Variants in SYNJ1 observed in about 807,000 individuals in gnomAD.
SYNJ1 encodes synaptojanin 1.
Under a neutral mutation model 168.2 loss-of-function variants are expected in SYNJ1, and 78 were observed. That is an observed-to-expected ratio of 0.46 (90% CI 0.39 to 0.56). The LOEUF (loss-of-function observed/expected upper bound fraction) is 0.56. Ranked by LOEUF, SYNJ1 falls within the 20% of genes least tolerant of loss-of-function variation. The probability of loss-of-function intolerance (pLI) is 0.00; values close to 1 mark genes in which losing one functional copy is unlikely to be tolerated. For missense variants in SYNJ1, 1,303 were observed against 1,597.6 expected (o/e 0.82, Z 3.14); for synonymous variants, 539 against 548.6 (o/e 0.98, Z 0.24).
At chr21:32,645,040 G>A in intron 25 of SYNJ1, 34 bp from the exon 26 acceptor site, 1 of 1,590,156 alleles carries the variant, frequency 6.3e-7, no homozygotes, top group Non-Finnish European at 8.5e-7. Context: ...CAGCAGAAAG[G>A]AAATGACATT....
Position 32,631,721 on chromosome 21 carries a change from C to G in SYNJ1, c.*84G>C. 6.2e-7 allele frequency: 1 copy of G among 1,614,200 alleles called. No homozygotes were observed. The highest frequency in any genetic ancestry group is 8.5e-7 in the Non-Finnish European group (1 of 1,180,036). ...ATAGCTGAGCCTTTGATACAGCAAG[C>G]AGATTAAATGACAGATCTTCAAATG... On this transcript the variant is annotated 3_prime_UTR_variant, in exon 33 of 33. Coordinates refer to ENST00000674351, the MANE Select transcript of SYNJ1 (RefSeq NM_203446.3).
At position 32,646,561 on chromosome 21, in the gene SYNJ1, G is replaced by A; in HGVS notation, c.3079C>T (p.Pro1027Ser). Residue 1027 changes from proline to serine, a missense_variant, in exon 24 of 33, where the codon CCT becomes TCT. Pro to Ser is a moderately conservative substitution (Grantham distance 74). Around this residue, in one of 2 missense-constraint regions of SYNJ1, gnomAD observed 383 missense variants for 388.8 expected, o/e 0.99. Transcript: ENST00000674351. ...CTTGAAGATGGCTGGAGATGCTGAGGAAGAAGTTCCTCCACTTCAGCACTA... is the reference window on the plus strand; with the variant it reads ...CTTGAAGATGGCTGGAGATGCTGAGAAAGAAGTTCCTCCACTTCAGCACTA... Reference protein sequence around the residue: ...DYSAEVEELLPQHLQPSSSSG... With the variant: ...DYSAEVEELLSQHLQPSSSSG... 1.2e-6 allele frequency: 2 copies of A among 1,614,102 alleles called. No individual in the cohort carries two copies. Among genetic ancestry groups the A allele is most frequent in the South Asian group, 1.1e-5 (1 of 91,062 alleles).
At chr21:32,692,304 C>T (rs761884774) in intron 6 of SYNJ1, among the ~76,000 whole-genome samples, 15 of 152,138 alleles carry the variant, frequency 9.9e-5, no homozygotes, top group Non-Finnish European at 1.8e-4. Flanking sequence ...TGGCCGGGCA[C>T]GGTGGCTCAT....
chr21:32,693,104 C>T (rs1330322103), intron 6 of SYNJ1, among the ~76,000 whole-genome samples: 1 of 151,748 alleles, frequency 6.6e-6, no homozygotes, highest in Non-Finnish European at 1.5e-5. Context: ...AAACAGTGTA[C>T]CATAGGGCTC....
intron 4 of SYNJ1, among the ~76,000 whole-genome samples, chr21:32,697,935 A>AG (rs917226067): frequency 2.6e-5 from 4 of 152,192 alleles, no homozygotes; most frequent in Admixed American, 1.3e-4. Context: ...AAAAATGAGG[A>AG]GGGAAAAAAA....
At chr21:32,690,227 G>A (rs1366460150) in intron 6 of SYNJ1, among the ~76,000 whole-genome samples, 1 of 152,132 alleles carries the variant, frequency 6.6e-6, no homozygotes, top group Non-Finnish European at 1.5e-5. Flanking sequence ...TGTGTTATTA[G>A]AGACAGGGTC....
rs1210163373 is a variant in SYNJ1 at position 32,631,098 on chromosome 21, G to A, written c.*707C>T. The A allele has an allele frequency of 1.9e-5, 30 of 1,614,078 alleles. No individual in the cohort carries two copies. The highest frequency in any genetic ancestry group is 1.6e-4 in the Middle Eastern group (1 of 6,084). On this transcript the variant is annotated 3_prime_UTR_variant, in exon 33 of 33. Coordinates refer to ENST00000674351, the MANE Select transcript of SYNJ1 (RefSeq NM_203446.3). ...GGGCGGGAGCAGAGGGACAGGAGGT[G>A]GAGGAGGTCTTCTTGACGGCAACAC...
chr21:32,686,075 A>T (rs1601419582), intron 8 of SYNJ1, among the ~76,000 whole-genome samples, 158 bp from the exon 9 acceptor site: 2 of 152,256 alleles, frequency 1.3e-5, no homozygotes, highest in African/African-American at 4.8e-5. Context: ...ACATCAGTGT[A>T]CTTAAATAAT....
chr21:32,635,654 C>T (rs1000138931), intron 31 of SYNJ1, among the ~76,000 whole-genome samples: 2 of 152,096 alleles, frequency 1.3e-5, no homozygotes, highest in African/African-American at 4.8e-5. Flanking sequence ...TGTAATGGTA[C>T]AAAATGGTAC....
chr21:32,674,114 T>C (rs557247296), intron 13 of SYNJ1, among the ~76,000 whole-genome samples: 10 of 152,340 alleles, frequency 6.6e-5, no homozygotes, highest in African/African-American at 2.4e-4. Context: ...CCAAAGTGCT[T>C]AAACAATGGT....
chr21:32,690,368 C>G (rs1783068), intron 6 of SYNJ1, among the ~76,000 whole-genome samples: 1 of 151,642 alleles, frequency 6.6e-6, no homozygotes, highest in Non-Finnish European at 1.5e-5. Flanking sequence ...TCACCATGCC[C>G]GAATGATTTT....
Position 32,665,015 on chromosome 21 carries a change from T to G in SYNJ1, c.2202A>C (p.Arg734=), listed in dbSNP as rs924156740. The change falls in exon 18 of 33, where the codon CGA becomes CGC. Residue 734 remains arginine (R), a synonymous_variant. Coordinates refer to ENST00000674351, the MANE Select transcript of SYNJ1 (RefSeq NM_203446.3). ...YVFWCGDFNY[R]IDLPNEEVKE... ...TAACTTCTTCGTTAGGGAGATCGAT[T>G]CGATAGTTGAAATCACCACACCAAA... The G allele has an allele frequency of 1.2e-6, 2 of 1,613,610 alleles. No individual in the cohort carries two copies. Among genetic ancestry groups the G allele is most frequent in the Admixed American group, 3.3e-5 (2 of 59,994 alleles).
At chr21:32,647,992 G>A (rs1351089100) in intron 23 of SYNJ1, among the ~76,000 whole-genome samples, 1 of 152,128 alleles carries the variant, frequency 6.6e-6, no homozygotes, top group African/African-American at 2.4e-5. Context: ...ACACTTCACA[G>A]AGAAGAGGGA....
chr21:32,702,592 A>G (rs186778811), intron 2 of SYNJ1, among the ~76,000 whole-genome samples: 330 of 152,356 alleles, frequency 2.2e-3, no homozygotes, highest in African/African-American at 7.6e-3. Flanking sequence ...CCTTCCTAGC[A>G]CTTAGCAATT....
intron 2 of SYNJ1, among the ~76,000 whole-genome samples, chr21:32,725,582 G>A (rs1381286489): frequency 6.6e-6 from 1 of 152,046 alleles, no homozygotes; most frequent in Admixed American, 6.5e-5. Flanking sequence ...TCCCCATCAA[G>A]ATGCAATTAT....
At chr21:32,697,953 A>G (rs2042269632) in intron 4 of SYNJ1, among the ~76,000 whole-genome samples, 1 of 152,210 alleles carries the variant, frequency 6.6e-6, no homozygotes, top group Non-Finnish European at 1.5e-5. Context: ...AAATGTAAGG[A>G]CAGCTGCAAC....
chr21:32,690,146 T>C (rs1437864079), intron 6 of SYNJ1, among the ~76,000 whole-genome samples: 1 of 152,242 alleles, frequency 6.6e-6, no homozygotes, highest in Admixed American at 6.5e-5. Flanking sequence ...CCCCAACACA[T>C]ATATACATTC....
chr21:32,628,861 TTTATAG>T lies in SYNJ1; in HGVS notation c.*2938_*2943del, dbSNP rs2039217804. The T allele has an allele frequency of 6.6e-6, 1 of 152,636 alleles. No individual in the cohort carries two copies. The highest frequency in any genetic ancestry group is 6.5e-5 in the Admixed American group (1 of 15,276). The allele number at this position is 152,636 out of a possible 1,614,324, so 9.5% of individuals were successfully genotyped here. ...ACTTTAATACTGTACTTCTATAAAG[TTTATAG>T]TTATAAATATTGTATGCCACATAAG... is the stretch of plus-strand genomic sequence containing the variant. On this transcript the variant is annotated 3_prime_UTR_variant, in exon 33 of 33. Coordinates refer to ENST00000674351, the MANE Select transcript of SYNJ1 (RefSeq NM_203446.3).
chr21:32,720,885 C>A (rs2043195655), intron 2 of SYNJ1, among the ~76,000 whole-genome samples: 1 of 152,166 alleles, frequency 6.6e-6, no homozygotes, highest in Non-Finnish European at 1.5e-5. Context: ...TGAAATGAAT[C>A]ATTCACTTTA....
Sources: gnomAD v4.1 joint callset for allele counts (sites outside exome capture counted in the v4.1 genomes callset) on GRCh38, gnomAD v4.1.1 for gene constraint, gnomAD v4.1.1 regional missense constraint, MANE v1.5 for transcripts, NCBI Gene and HGNC (gene_info 2026-07-23, HGNC 2026-07-21) for gene names.